Variants in LEKR1 observed in about 807,000 individuals in gnomAD.
The protein encoded by LEKR1 is protein LEKR1.
A neutral mutation model predicts 72.4 loss-of-function variants in LEKR1; 59 were observed. That is an observed-to-expected ratio of 0.82 (90% confidence interval 0.66 to 1.01). The LOEUF (loss-of-function observed/expected upper bound fraction) is 1.01, where lower values mean the gene tolerates loss of function less well. Ranked by LOEUF, LEKR1 falls within the 50% of genes least tolerant of loss-of-function variation. The pLI is 0.00. For missense variants in LEKR1, 728 were observed against 759.2 expected, an observed-to-expected ratio of 0.96 and a Z score of 0.48; for synonymous variants, 257 against 263.2, an observed-to-expected ratio of 0.98 and a Z score of 0.23.
At chr3:156,913,604 G>C (rs995067994) in intron 3 of LEKR1, among the ~76,000 whole-genome samples, 28 of 152,152 alleles carry the variant, frequency 1.8e-4, no homozygotes, top group African/African-American at 5.3e-4. Flanking sequence ...TAAGGATAGA[G>C]AGTGGTAAAA....
At chr3:156,952,795 G>T (rs1218376043) in intron 6 of LEKR1, among the ~76,000 whole-genome samples, 1 of 151,402 alleles carries the variant, frequency 6.6e-6, no homozygotes, top group Non-Finnish European at 1.5e-5. Flanking sequence ...CCAAAAGACT[G>T]CAAGCAACCT....
chr3:157,028,399 A>G lies in LEKR1; in HGVS notation c.1665A>G (p.Glu555=), dbSNP rs776434581. The G allele has an allele frequency of 6.9e-6, 11 of 1,585,160 alleles. No homozygotes were observed. The highest frequency in any genetic ancestry group is 8.6e-6 in the Non-Finnish European group (10 of 1,166,282). The change falls in exon 12 of 13, where the codon GAA becomes GAG. Residue 555 remains glutamate (E), a synonymous_variant. Transcript: ENST00000356539. ...TAGAGCAATTTAACCAGTCCCAGGA[A>G]GAGGTAGGAAGCAGATAGTGGTAAC... ...QLIEQFNQSQ[E]ENTFLQETVR...
chr3:156,859,674 A>C (rs1000232670), intron 3 of LEKR1, among the ~76,000 whole-genome samples: 5 of 152,218 alleles, frequency 3.3e-5, no homozygotes, highest in Admixed American at 6.5e-5. Flanking sequence ...GTATAAAGAC[A>C]TTATCCACCA....
chr3:156,929,995 A>G lies in LEKR1; in HGVS notation c.559+2391A>G, dbSNP rs116599071. Among the ~76,000 whole-genome samples the G allele has an allele frequency of 8.2e-3, 1,243 of 152,316 alleles. 12 individuals are homozygous for G. The highest frequency in any genetic ancestry group is 0.041 in the Middle Eastern group (12 of 294). ...GTTATTCAATGATAACTGACAAACT[A>G]AAATATTTCCCTAGAAAGGAAGATG... On this transcript the variant is annotated intron_variant, in intron 5 of 12. Coordinates refer to ENST00000356539, the MANE Select transcript of LEKR1 (RefSeq NM_001004316.3).
chr3:156,958,274 CCA>C (rs773129372), intron 6 of LEKR1, among the ~76,000 whole-genome samples: 3 of 152,064 alleles, frequency 2.0e-5, no homozygotes, highest in Non-Finnish European at 2.9e-5. Context: ...CTTGCTTTAT[CCA>C]CAGATATCTT....
chr3:156,972,054 C>T lies in LEKR1; in HGVS notation c.746-7140C>T, dbSNP rs564212582. Among the ~76,000 whole-genome samples, 23 of 152,102 alleles carry T rather than the reference C, an allele frequency of 1.5e-4. No homozygotes were observed. The East Asian group carries it at 2.5e-3, about 17-fold the overall frequency. ...GATACATGCACATGTATGTTTATTG[C>T]GGCACTATTCACAATAGCAAAGACT... On this transcript the variant is annotated intron_variant, in intron 6 of 12. Transcript: ENST00000356539.
chr3:157,002,470 T>G (rs1291294220), intron 9 of LEKR1, among the ~76,000 whole-genome samples: 1 of 152,178 alleles, frequency 6.6e-6, no homozygotes, highest in African/African-American at 2.4e-5. Flanking sequence ...CTAGATTATC[T>G]TTTTCACACA....
chr3:157,042,847 T>C (rs1735453697), intron 12 of LEKR1, among the ~76,000 whole-genome samples: 1 of 152,192 alleles, frequency 6.6e-6, no homozygotes, highest in African/African-American at 2.4e-5. Flanking sequence ...GCTTTCTTAA[T>C]TAGTGATATT....
At chr3:156,870,891 A>G (rs1222424339) in intron 3 of LEKR1, among the ~76,000 whole-genome samples, 2 of 152,036 alleles carry the variant, frequency 1.3e-5, no homozygotes, top group South Asian at 2.1e-4. Context: ...GGGACATTGA[A>G]CTTTATCAAA....
chr3:156,843,563 A>G (rs915699947), intron 2 of LEKR1, among the ~76,000 whole-genome samples: 25 of 152,308 alleles, frequency 1.6e-4, no homozygotes, highest in African/African-American at 6.0e-4. Flanking sequence ...CAGGGATAAC[A>G]ATCCCTTTCC....
rs115053866 is a variant in LEKR1, at chr3:156,939,394, C to T, written c.560-3135C>T. ...GACACCTTGATCTCAGATTTCTAGT[C>T]TCTGGAGCTGTGAGAAAATAAATTT... On this transcript the variant is annotated intron_variant, in intron 5 of 12. Transcript: ENST00000356539. 6.3e-3 allele frequency among the ~76,000 whole-genome samples: 957 copies of T among 152,280 alleles called. 10 individuals are homozygous for T. Among genetic ancestry groups the T allele is most frequent in the African/African-American group, 0.022 (917 of 41,560 alleles).
intron 2 of LEKR1, among the ~76,000 whole-genome samples, chr3:156,847,500 T>C (rs1714765873): frequency 6.6e-6 from 1 of 152,190 alleles, no homozygotes; most frequent in Non-Finnish European, 1.5e-5. Flanking sequence ...GAAGCACAAA[T>C]TATATTTCAC....
chr3:156,992,412 TTTTG>T (rs1408801663), intron 7 of LEKR1, among the ~76,000 whole-genome samples: 8 of 152,186 alleles, frequency 5.3e-5, no homozygotes, highest in Admixed American at 2.0e-4. Flanking sequence ...TGGGTTTTGG[TTTTG>T]TTTATTTGTT....
rs180904249 is a variant in LEKR1, at chr3:157,037,761, G to A, written c.1669-7579G>A. Among the ~76,000 whole-genome samples the A allele has an allele frequency of 2.3e-3, 356 of 152,266 alleles. 4 individuals carry two copies. Among genetic ancestry groups the A allele is most frequent in the South Asian group, 0.015 (70 of 4,824 alleles). On this transcript the variant is annotated intron_variant, in intron 12 of 12. Transcript: ENST00000356539. ...AAGGAAAAAATAAATCAGGGTAAAA[G>A]GGATACTTTCTGAAGGAGGGGTGCT...
At chr3:156,988,985 C>T (rs1730935898) in intron 7 of LEKR1, among the ~76,000 whole-genome samples, 1 of 152,024 alleles carries the variant, frequency 6.6e-6, no homozygotes, top group African/African-American at 2.4e-5. Flanking sequence ...GTGCACACCA[C>T]CACACCCGGC....
chr3:156,839,323 A>T (rs1045173898), intron 2 of LEKR1, among the ~76,000 whole-genome samples: 1 of 152,198 alleles, frequency 6.6e-6, no homozygotes, highest in East Asian at 1.9e-4. Flanking sequence ...TATGGAAAGG[A>T]CTGTCAATGC....
chr3:156,854,879 A>G (rs182009205), intron 3 of LEKR1, among the ~76,000 whole-genome samples: 4 of 152,174 alleles, frequency 2.6e-5, no homozygotes, highest in Admixed American at 2.6e-4. Flanking sequence ...TGTAGTTTAT[A>G]TCTTTATCTT....
At chr3:156,899,407 T>C (rs1176451022) in intron 3 of LEKR1, among the ~76,000 whole-genome samples, 1 of 83,282 alleles carries the variant, frequency 1.2e-5, no homozygotes, top group Non-Finnish European at 2.2e-5. Flanking sequence ...TATACATATA[T>C]ACATATATAC....
chr3:157,015,877 G>T (rs1157701835), intron 10 of LEKR1, among the ~76,000 whole-genome samples: 5 of 152,054 alleles, frequency 3.3e-5, no homozygotes, highest in East Asian at 1.9e-4. Context: ...ATATAAAAAA[G>T]ACCAGTTACT....
Sources: allele counts gnomAD v4.1 joint callset (sites outside exome capture counted in the v4.1 genomes callset), GRCh38; gene constraint gnomAD v4.1.1; transcripts MANE v1.5; gene names NCBI Gene and HGNC (gene_info 2026-07-23, HGNC 2026-07-21).